Variants in SLC4A4 observed in about 807,000 individuals in gnomAD.
The protein encoded by SLC4A4 is electrogenic sodium bicarbonate cotransporter 1.
SLC4A4 carries 27 observed loss-of-function variants against 111.5 expected under a neutral mutation model. The observed-to-expected ratio is 0.24, with a 90% CI of 0.18 to 0.33. The LOEUF (loss-of-function observed/expected upper bound fraction) is 0.33, where lower values mean the gene tolerates loss of function less well. SLC4A4 is among the 10% of genes least tolerant of loss of function. The probability of loss-of-function intolerance (pLI) is 1.00; values close to 1 mark genes in which losing one functional copy is unlikely to be tolerated. For synonymous variants in SLC4A4, 443 were observed against 463.4 expected (o/e 0.96, Z 0.57); for missense variants, 909 against 1,315.5 (o/e 0.69, Z 4.78).
chr4:71,480,312 G>A (rs1728760290), intron 14 of SLC4A4, among the ~76,000 whole-genome samples: 1 of 151,042 alleles, frequency 6.6e-6, no homozygotes, highest in Non-Finnish European at 1.5e-5. Context: ...GCCTAGTTGT[G>A]GTGAAAATCT....
chr4:71,383,365 A>G (rs1056971172), intron 6 of SLC4A4, among the ~76,000 whole-genome samples: 6 of 152,156 alleles, frequency 3.9e-5, no homozygotes. Context: ...TTTTCCTAGA[A>G]GCTCTTGTAT....
intron 5 of SLC4A4, among the ~76,000 whole-genome samples, chr4:71,352,630 ATTC>A (rs1729944465): frequency 6.6e-6 from 1 of 152,224 alleles, no homozygotes; most frequent in Admixed American, 6.5e-5. Flanking sequence ...TGGAGTCTTC[ATTC>A]CCTCATCTAT....
chr4:71,094,467 T>C (rs1437898132), intron 2 of SLC4A4, among the ~76,000 whole-genome samples: 1 of 152,228 alleles, frequency 6.6e-6, no homozygotes, highest in African/African-American at 2.4e-5. Context: ...AAAAATACTT[T>C]CAAGGAGATT....
intron 1 of SLC4A4, among the ~76,000 whole-genome samples, chr4:71,235,335 T>G (rs1719727810): frequency 6.6e-6 from 1 of 152,222 alleles, no homozygotes; most frequent in African/African-American, 2.4e-5. Context: ...CACATCCGCA[T>G]AGATTATAAC....
In SLC4A4 at chr4:71,271,032, G is replaced by A. The variant is rs540864292; in HGVS notation, c.253+15633G>A. 1.5e-4 allele frequency among the ~76,000 whole-genome samples: 23 copies of A among 152,250 alleles called. No homozygotes were observed. In the South Asian group the frequency reaches 2.1e-3, roughly 14 times the overall value. On this transcript the variant is annotated intron_variant, in intron 3 of 25. Transcript: ENST00000264485. ...TTGGACAGCCTAGGTAAGCATGGTGGCTGCTGTGGGTGCCCACCACTACAC... is the reference window on the plus strand; with the variant it reads ...TTGGACAGCCTAGGTAAGCATGGTGACTGCTGTGGGTGCCCACCACTACAC...
At chr4:71,361,933 G>A (rs957153700) in intron 6 of SLC4A4, among the ~76,000 whole-genome samples, 1 of 152,140 alleles carries the variant, frequency 6.6e-6, no homozygotes, top group African/African-American at 2.4e-5. Context: ...TTAAAAAGTT[G>A]TGGTTTATAA....
At position 71,258,523 on chromosome 4, in the gene SLC4A4, A is replaced by G. The variant is rs570365221; in HGVS notation, c.253+3124A>G. On this transcript the variant is annotated intron_variant, in intron 3 of 25. Coordinates refer to ENST00000264485, the MANE Select transcript of SLC4A4 (RefSeq NM_001098484.3). ...ATCAGGTTGTCTTGTTCACTTTGTTATCTTTGGCGCCGCACAATGCCTGGC... is the reference window on the plus strand; with the variant it reads ...ATCAGGTTGTCTTGTTCACTTTGTTGTCTTTGGCGCCGCACAATGCCTGGC... 2.0e-5 allele frequency among the ~76,000 whole-genome samples: 3 copies of G among 152,304 alleles called. No homozygotes were observed. The East Asian group carries it at 5.8e-4, about 29-fold the overall frequency.
chr4:71,093,408 T>G (rs955854350), intron 2 of SLC4A4, among the ~76,000 whole-genome samples: 50 of 152,184 alleles, frequency 3.3e-4, no homozygotes, highest in Non-Finnish European at 5.9e-4. Flanking sequence ...CCTCAAGTGA[T>G]CTGCCTGTCT....
At chr4:71,241,985 C>T (rs1316320075) in intron 2 of SLC4A4, among the ~76,000 whole-genome samples, 2 of 152,090 alleles carry the variant, frequency 1.3e-5, no homozygotes, top group Non-Finnish European at 2.9e-5. Flanking sequence ...CTTGCTGTGT[C>T]AGGGAAGTTA....
At chr4:71,237,049 A>ATG (rs1168655579) in intron 2 of SLC4A4, among the ~76,000 whole-genome samples, 1 of 152,242 alleles carries the variant, frequency 6.6e-6, no homozygotes, top group Non-Finnish European at 1.5e-5. Context: ...GTAAAGATAT[A>ATG]GATACTACAG....
At chr4:71,369,049 G>A (rs558993420) in intron 6 of SLC4A4, among the ~76,000 whole-genome samples, 1 of 152,258 alleles carries the variant, frequency 6.6e-6, no homozygotes, top group East Asian at 1.9e-4. Context: ...AAAGTGCGCA[G>A]CCCGCTTGAG....
chr4:71,294,301 C>T (rs1395040168), intron 3 of SLC4A4, among the ~76,000 whole-genome samples: 1 of 152,220 alleles, frequency 6.6e-6, no homozygotes, highest in Non-Finnish European at 1.5e-5. Context: ...CTTGTCTTCA[C>T]TCTGCAGAAT....
chr4:71,132,811 G>C (rs1743741960), intron 2 of SLC4A4, among the ~76,000 whole-genome samples: 1 of 152,128 alleles, frequency 6.6e-6, no homozygotes, highest in African/African-American at 2.4e-5. Flanking sequence ...CTGACCCTAA[G>C]CAATCCAGTA....
chr4:71,099,414 C>A (rs975031223), intron 2 of SLC4A4, among the ~76,000 whole-genome samples: 4 of 152,058 alleles, frequency 2.6e-5, no homozygotes, highest in African/African-American at 9.7e-5. Flanking sequence ...AACAAATATA[C>A]CAGAATCTCT....
intron 18 of SLC4A4, among the ~76,000 whole-genome samples, chr4:71,535,567 A>T (rs189128850): frequency 1.8e-4 from 28 of 152,260 alleles, no homozygotes; most frequent in Admixed American, 1.8e-3. Flanking sequence ...CATGTTGACA[A>T]TGACGTCCAT....
At chr4:71,073,743 A>T (rs1407205944) in intron 1 of SLC4A4, among the ~76,000 whole-genome samples, 1 of 151,918 alleles carries the variant, frequency 6.6e-6, no homozygotes, top group Non-Finnish European at 1.5e-5. Context: ...ACCTGCACAT[A>T]AAAAAAATGC....
chr4:71,141,832 A>G (rs1351778073), intron 2 of SLC4A4, among the ~76,000 whole-genome samples: 2 of 152,248 alleles, frequency 1.3e-5, no homozygotes, highest in African/African-American at 4.8e-5. Flanking sequence ...GAATTGAATT[A>G]AATCAGCAAA....
intron 24 of SLC4A4, among the ~76,000 whole-genome samples, chr4:71,565,854 G>GTTT (rs1247819427): frequency 6.6e-6 from 1 of 151,820 alleles, no homozygotes; most frequent in Non-Finnish European, 1.5e-5. Context: ...GATGACCTTT[G>GTTT]TTTTTTACCT....
chr4:71,521,035 A>G (rs978238518), intron 16 of SLC4A4, among the ~76,000 whole-genome samples: 2 of 152,066 alleles, frequency 1.3e-5, no homozygotes, highest in Non-Finnish European at 2.9e-5. Context: ...TCAAAATTTT[A>G]AAGTCATATT....
Sources: allele counts gnomAD v4.1 joint callset (sites outside exome capture counted in the v4.1 genomes callset), GRCh38; gene constraint gnomAD v4.1.1; transcripts MANE v1.5; gene names NCBI Gene and HGNC (gene_info 2026-07-23, HGNC 2026-07-21).